The following RTL9 variants were observed in gnomAD, a reference collection of about 807,000 sequenced individuals.
The protein encoded by RTL9 is retrotransposon Gag-like protein 9.
In RTL9, 19 loss-of-function variants were observed where a neutral mutation model predicts 44.7. That is an observed-to-expected ratio of 0.42 (90% CI 0.30 to 0.62). The LOEUF (loss-of-function observed/expected upper bound fraction) is 0.62, where lower values mean the gene tolerates loss of function less well. Ranked by LOEUF, RTL9 falls within the 20% of genes least tolerant of loss-of-function variation. RTL9 has a pLI of 0.16. For missense variants in RTL9, 1,105 were observed against 1,080.6 expected, an observed-to-expected ratio of 1.02 and a Z score of -0.32; for synonymous variants, 407 against 398.9, an observed-to-expected ratio of 1.02 and a Z score of -0.24.
At chrX:110,443,188 G>A (rs1440187779) in intron 1 of RTL9, among the ~76,000 whole-genome samples, 1 of 111,775 alleles carries the variant, frequency 8.9e-6, no homozygotes, top group Non-Finnish European at 1.9e-5. Flanking sequence ...GGAAACTGAG[G>A]TGAACTAACT....
At chrX:110,444,857 C>T (rs758487259) in intron 1 of RTL9, among the ~76,000 whole-genome samples, 5 of 112,375 alleles carry the variant, frequency 4.4e-5, no homozygotes, top group South Asian at 3.7e-4. Flanking sequence ...TTGGAGTTTA[C>T]GGTATACTGG....
chrX:110,455,466 T>A, exon 2 of RTL9: 2 of 692,607 alleles, frequency 2.9e-6, no homozygotes, highest in Non-Finnish European at 2.1e-6. Flanking sequence ...ACCTTACCTC[T>A]CACTTGGCTG....
chrX:110,385,754 A>T (rs1023235663), intron 1 of RTL9, among the ~76,000 whole-genome samples: 2 of 110,913 alleles, frequency 1.8e-5, no homozygotes, highest in Non-Finnish European at 3.8e-5. Flanking sequence ...TTTGGGGTAC[A>T]GCTGATCCCA....
chrX:110,409,989 T>C lies in RTL9; in HGVS notation c.-167-35164T>C, dbSNP rs759115660. 4.5e-5 allele frequency among the ~76,000 whole-genome samples: 5 copies of C among 111,809 alleles called. No individual in the cohort carries two copies. In the South Asian group the frequency reaches 1.5e-3, roughly 34 times the overall value. ...GCAGTGTGGCTCCTAATCCTCAGAG[T>C]CTGATTCAGTAAGTCCGAGATGAGG... is the stretch of plus-strand genomic sequence containing the variant. On this transcript the variant is annotated intron_variant, in intron 1 of 2. Coordinates refer to the RTL9 transcript ENST00000520821.
chrX:110,455,603 C>T lies in RTL9; in HGVS notation c.*282C>T, dbSNP rs1349761793. 4 of 240,648 alleles carry T rather than the reference C, an allele frequency of 1.7e-5. No individual in the cohort carries two copies. In the Admixed American group the frequency reaches 1.8e-4, roughly 11 times the overall value. 19.8% of individuals were successfully genotyped at this position (240,648 alleles called of 1,213,427 possible). A position where few individuals can be genotyped will look rare whatever the true frequency, so the allele number is the denominator to read the frequency against. On this transcript the variant is annotated 3_prime_UTR_variant, in exon 2 of 2. Coordinates refer to ENST00000540313, the Ensembl canonical transcript of RTL9. ...ACCGAGGCCAGTCCTAGTTCTTGGT[C>T]CAGGGAGAAGTCTAGGCAGGATAAA... is the stretch of plus-strand genomic sequence containing the variant.
At chrX:110,414,986 C>G (rs2068667268), upstream of RTL9, among the ~76,000 whole-genome samples, 1 of 111,709 alleles carries the variant, frequency 9.0e-6, no homozygotes, top group Non-Finnish European at 1.9e-5. Flanking sequence ...TCTCTGCCTC[C>G]CCATCCTCCA....
chrX:110,443,905 G>A (rs1467350039), intron 1 of RTL9, among the ~76,000 whole-genome samples: 1 of 112,415 alleles, frequency 8.9e-6, no homozygotes, highest in Non-Finnish European at 1.9e-5. Flanking sequence ...CAGAGAATTT[G>A]TGTAAGAATC....
At chrX:110,427,025 C>G (rs771378269) in intron 1 of RTL9, among the ~76,000 whole-genome samples, 1 of 112,353 alleles carries the variant, frequency 8.9e-6, no homozygotes, top group East Asian at 2.8e-4. Context: ...ATCTTTATTT[C>G]TCACCTCTAC....
intron 1 of RTL9, among the ~76,000 whole-genome samples, chrX:110,424,965 C>T (rs1377357546): frequency 2.7e-5 from 3 of 111,628 alleles, no homozygotes; most frequent in South Asian, 7.7e-4. Flanking sequence ...ACAGTATTCT[C>T]GCTTTCCCTT....
intron 1 of RTL9, among the ~76,000 whole-genome samples, chrX:110,443,051 G>A (rs1051399590): frequency 1.8e-5 from 2 of 112,008 alleles, no homozygotes; most frequent in African/African-American, 6.5e-5. Flanking sequence ...CAGGGACCCC[G>A]GATAAGCAGG....
chrX:110,447,612 T>C (rs2068915499), upstream of RTL9, among the ~76,000 whole-genome samples: 1 of 111,198 alleles, frequency 9.0e-6, no homozygotes, highest in Non-Finnish European at 1.9e-5. Flanking sequence ...CGTGGTCACA[T>C]AGACTTCTCC....
chrX:110,416,534 G>T (rs1245780866), upstream of RTL9, among the ~76,000 whole-genome samples: 1 of 111,080 alleles, frequency 9.0e-6, no homozygotes, highest in Non-Finnish European at 1.9e-5. Context: ...CAGAGCTAGA[G>T]TTACAATCCA....
intron 1 of RTL9, among the ~76,000 whole-genome samples, chrX:110,385,992 T>C (rs2068452431): frequency 8.9e-6 from 1 of 112,628 alleles, no homozygotes; most frequent in African/African-American, 3.2e-5. Flanking sequence ...AATAGTTCAT[T>C]ATATGAATAT....
At chrX:110,403,978 ACTT>A (rs1367764480) in intron 1 of RTL9, among the ~76,000 whole-genome samples, 1 of 112,206 alleles carries the variant, frequency 8.9e-6, no homozygotes, top group African/African-American at 3.2e-5. Context: ...TAGCCTGTGA[ACTT>A]CTTCTCCAGT....
intron 1 of RTL9, among the ~76,000 whole-genome samples, chrX:110,407,361 G>A (rs1316946483): frequency 8.9e-6 from 1 of 112,232 alleles, no homozygotes. Flanking sequence ...GAGCCTCACA[G>A]GAAACTCTGC....
rs770699524 is a variant in RTL9 at position 110,405,926 on chromosome X, A to G, written c.-167-39227A>G. Among the ~76,000 whole-genome samples the G allele has an allele frequency of 4.5e-5, 5 of 111,732 alleles. No homozygotes were observed. In the East Asian group the frequency reaches 1.4e-3, roughly 31 times the overall value. ...TATATTTTCTCTTTTACCAAATCAC[A>G]GAACATCTGGTCTGCTTAATTTTAT... is the stretch of plus-strand genomic sequence containing the variant. On this transcript the variant is annotated intron_variant, in intron 1 of 2. Coordinates refer to the RTL9 transcript ENST00000520821.
chrX:110,395,859 C>T (rs1207539470), intron 1 of RTL9, among the ~76,000 whole-genome samples: 2 of 111,132 alleles, frequency 1.8e-5, no homozygotes, highest in Non-Finnish European at 3.8e-5. Context: ...GCCTGCCTAG[C>T]TGCTGGCTGC....
exon 1 of RTL9, chrX:110,454,042 G>C: frequency 8.2e-7 from 1 of 1,212,129 alleles, no homozygotes; most frequent in East Asian, 3.0e-5. Flanking sequence ...CCATCCTTCG[G>C]AATGTTGACC....
exon 1 of RTL9, chrX:110,453,350 C>T (rs138981856): frequency 3.3e-6 from 4 of 1,211,972 alleles, no homozygotes; most frequent in Non-Finnish European, 3.4e-6. Context: ...GAACTATGTC[C>T]ACACCACTAA....
Sources: gnomAD v4.1 joint callset for allele counts (sites outside exome capture counted in the v4.1 genomes callset) on GRCh38, gnomAD v4.1.1 for gene constraint, MANE v1.5 for transcripts, NCBI Gene and HGNC (gene_info 2026-07-23, HGNC 2026-07-21) for gene names.